Variants in AFAP1L2 observed in about 807,000 individuals in gnomAD.
AFAP1L2 encodes actin filament-associated protein 1-like 2.
A neutral mutation model predicts 99.3 loss-of-function variants in AFAP1L2; 46 were observed. The ratio of observed to expected loss-of-function variants is 0.46; its 90% confidence interval spans 0.37 to 0.59. AFAP1L2 has a LOEUF of 0.59. Ranked by LOEUF, AFAP1L2 falls within the 20% of genes least tolerant of loss-of-function variation. The pLI, the probability that AFAP1L2 is intolerant of heterozygous loss-of-function variation, is 0.00. For missense variants in AFAP1L2, 959 were observed against 1,034.9 expected, an observed-to-expected ratio of 0.93 and a Z score of 1.01; for synonymous variants, 397 against 419.1, an observed-to-expected ratio of 0.95 and a Z score of 0.64.
rs2039957906 is a variant in AFAP1L2, at chr10:114,294,953, G to A, written c.*1089C>T. 7.2e-6 allele frequency: 7 copies of A among 978,768 alleles called. No individual in the cohort carries two copies. Among genetic ancestry groups the A allele is most frequent in the Non-Finnish European group, 7.2e-6 (6 of 828,420 alleles). The allele number at this position is 978,768 out of a possible 1,614,324, so 60.6% of individuals were successfully genotyped here. On this transcript the variant is annotated 3_prime_UTR_variant, in exon 19 of 19. Coordinates refer to ENST00000304129, the MANE Select transcript of AFAP1L2 (RefSeq NM_001001936.3). ...TTAGTTCTCAGGAACAAGTGTTAGA[G>A]AACTGATACACAACCCTCCAGAAAT...
chr10:114,286,828 T>A, the AFAP1L2 span, among the ~76,000 whole-genome samples: 6 of 152,186 alleles, frequency 3.9e-5, no homozygotes, highest in Non-Finnish European at 5.9e-5. Context: ...TTGTTGTTGT[T>A]ACTAAGAGCT....
At chr10:114,298,355 G>C (rs567842829) in intron 16 of AFAP1L2, among the ~76,000 whole-genome samples, 1 of 152,160 alleles carries the variant, frequency 6.6e-6, no homozygotes, top group African/African-American at 2.4e-5. Flanking sequence ...TCCAGCCTGG[G>C]CAACAGAGCA....
chr10:114,297,253 C>T lies in AFAP1L2; in HGVS notation c.2274G>A (p.Val758=), dbSNP rs756057456. The change falls in exon 17 of 19, where the codon GTG becomes GTA. Residue 758 remains valine, a synonymous_variant. Coordinates refer to ENST00000304129, the MANE Select transcript of AFAP1L2 (RefSeq NM_001001936.3). ...EAGPVTLGTT[V]DTTHLENVSP... ...TCACATTCTCCAGGTGGGTGGTGTC[C>T]ACGGTGGTGCCTAACGTCACAGGCC... The T allele has an allele frequency of 3.7e-6, 6 of 1,613,878 alleles. No homozygotes were observed. Among genetic ancestry groups the T allele is most frequent in the Non-Finnish European group, 5.1e-6 (6 of 1,179,942 alleles).
intron 1 of AFAP1L2, among the ~76,000 whole-genome samples, chr10:114,365,073 G>T (rs1345632917): frequency 6.6e-6 from 1 of 152,196 alleles, no homozygotes. Context: ...GCAGCCAAGG[G>T]CTGGCACCCC....
At chr10:114,286,222 G>A in the AFAP1L2 span, 1 of 1,613,468 alleles carries the variant, frequency 6.2e-7, no homozygotes, top group African/African-American at 1.3e-5. Flanking sequence ...GTGCCTTGCG[G>A]CAGGCGGCAG....
chr10:114,297,983 C>A (rs2040525589), intron 16 of AFAP1L2, among the ~76,000 whole-genome samples: 1 of 152,184 alleles, frequency 6.6e-6, no homozygotes, highest in South Asian at 2.1e-4. Flanking sequence ...CACAGGGCCA[C>A]TGTTTAAGAA....
chr10:114,374,133 A>G (rs953893272), intron 1 of AFAP1L2, among the ~76,000 whole-genome samples: 1 of 152,132 alleles, frequency 6.6e-6, no homozygotes, highest in African/African-American at 2.4e-5. Context: ...TTGCTTCAGC[A>G]TTCCGGGCTT....
At chr10:114,284,791 C>A in the AFAP1L2 span, 1 of 1,429,040 alleles carries the variant, frequency 7.0e-7, no homozygotes, top group South Asian at 1.3e-5. Flanking sequence ...CAGCTGCACC[C>A]ACACCTCTGG....
At chr10:114,314,200 C>G (rs539040945) in intron 6 of AFAP1L2, 150 bp from the exon 7 acceptor site, 1 of 666,738 alleles carries the variant, frequency 1.5e-6, no homozygotes, top group Admixed American at 3.1e-5. Context: ...CGAAGCAGGC[C>G]TGGAGCCTTA....
rs528465458 is a variant in AFAP1L2 at position 114,392,347 on chromosome 10, C to T, written c.16+12093G>A. ...GAGACTGCAGTCAGCCATGACAGTG[C>T]CACTGAACTCCAGCCTGGGTGACAG... is the stretch of plus-strand genomic sequence containing the variant. On this transcript the variant is annotated intron_variant, in intron 1 of 18. Coordinates refer to ENST00000304129, the MANE Select transcript of AFAP1L2 (RefSeq NM_001001936.3). 2.6e-5 allele frequency among the ~76,000 whole-genome samples: 4 copies of T among 152,254 alleles called. No homozygotes were observed. The South Asian group carries it at 6.2e-4, about 24-fold the overall frequency.
At chr10:114,320,454 G>A (rs1320754176) in intron 5 of AFAP1L2, among the ~76,000 whole-genome samples, 2 of 152,226 alleles carry the variant, frequency 1.3e-5, no homozygotes, top group Non-Finnish European at 2.9e-5. Context: ...AGGACCTGAG[G>A]TCAGGCCAGC....
chr10:114,319,478 C>A, intron 5 of AFAP1L2: 1 of 1,065,768 alleles, frequency 9.4e-7, no homozygotes, highest in Non-Finnish European at 1.3e-6. Flanking sequence ...AAGACAGTGG[C>A]CACCCTCGGG....
intron 1 of AFAP1L2, among the ~76,000 whole-genome samples, chr10:114,379,182 C>T (rs1002385487): frequency 9.3e-5 from 14 of 150,646 alleles, no homozygotes; most frequent in Admixed American, 2.7e-4. Flanking sequence ...CACTGCACTC[C>T]AGCCTGGACG....
intron 7 of AFAP1L2, among the ~76,000 whole-genome samples, chr10:114,311,581 C>A (rs918036566): frequency 1.3e-5 from 2 of 152,218 alleles, no homozygotes; most frequent in Non-Finnish European, 2.9e-5. Flanking sequence ...ACCTTTGCCA[C>A]GAGCCAGCTG....
rs536951669 is a variant in AFAP1L2 at position 114,377,428 on chromosome 10, G to A, written c.16+27012C>T. Among the ~76,000 whole-genome samples, 12 of 152,326 alleles carry A rather than the reference G, an allele frequency of 7.9e-5. No homozygotes were observed. In the South Asian group the frequency reaches 2.1e-3, roughly 26 times the overall value. On this transcript the variant is annotated intron_variant, in intron 1 of 18. Transcript: ENST00000304129. This position sits in a 1 kb window ranked among gnomAD's most constrained non-coding sequence, Gnocchi z 4.0. ...TGCTTCTTGGAAAGAAGTCACCACTGTACCCATCAAGTTGTGGTGGGGTGG... is the reference window on the plus strand; with the variant it reads ...TGCTTCTTGGAAAGAAGTCACCACTATACCCATCAAGTTGTGGTGGGGTGG...
At chr10:114,344,753 G>A (rs911216491) in intron 1 of AFAP1L2, among the ~76,000 whole-genome samples, 3 of 152,166 alleles carry the variant, frequency 2.0e-5, no homozygotes, top group East Asian at 1.9e-4. Context: ...ATTGTAGCTC[G>A]TCCTTGAGGA....
chr10:114,345,303 G>C (rs151235969), intron 1 of AFAP1L2, among the ~76,000 whole-genome samples: 20 of 152,070 alleles, frequency 1.3e-4, no homozygotes, highest in African/African-American at 4.8e-4. Flanking sequence ...GATGAAGAGG[G>C]CTTTATTATT....
chr10:114,351,212 C>T (rs2050419803), intron 1 of AFAP1L2, among the ~76,000 whole-genome samples: 1 of 152,174 alleles, frequency 6.6e-6, no homozygotes, highest in South Asian at 2.1e-4. Context: ...GGGAAATTTT[C>T]ACTCCTTCTT....
Position 114,325,976 on chromosome 10 carries a change from G to A in AFAP1L2, c.316-2715C>T, listed in dbSNP as rs779670297. ...CCAGCCTCCAAGAAACTCCGTTCCCGTCAGGTGGGTCCCATCTGGAGAAAA... is the reference window on the plus strand; with the variant it reads ...CCAGCCTCCAAGAAACTCCGTTCCCATCAGGTGGGTCCCATCTGGAGAAAA... On this transcript the variant is annotated intron_variant, in intron 4 of 18. Coordinates refer to ENST00000304129, the MANE Select transcript of AFAP1L2 (RefSeq NM_001001936.3). 312 of 1,289,142 alleles carry A rather than the reference G, an allele frequency of 2.4e-4. 2 individuals carry two copies. The highest frequency in any genetic ancestry group is 1.2e-3 in the Admixed American group (53 of 43,534). 79.9% of individuals were successfully genotyped at this position (1,289,142 alleles called of 1,614,324 possible).
Sources: allele counts gnomAD v4.1 joint callset (sites outside exome capture counted in the v4.1 genomes callset), GRCh38; gene constraint gnomAD v4.1.1; non-coding constraint Gnocchi (gnomAD v3.1); transcripts MANE v1.5; gene names NCBI Gene and HGNC (gene_info 2026-07-23, HGNC 2026-07-21).